TCAIM: variants seen among roughly 807,000 people sequenced by gnomAD.
The protein encoded by TCAIM is T cell activation inhibitor, mitochondrial, also known as T-cell activation inhibitor, mitochondrial.
TCAIM carries 36 observed loss-of-function variants against 58.6 expected under a neutral mutation model. That is an observed-to-expected ratio of 0.61 (90% CI 0.47 to 0.81). The LOEUF (loss-of-function observed/expected upper bound fraction) is 0.81. Among genes scored for constraint, TCAIM ranks in the 30% least tolerant of loss-of-function variants. The probability of loss-of-function intolerance (pLI) is 0.00; values close to 1 mark genes in which losing one functional copy is unlikely to be tolerated. For synonymous variants in TCAIM, 172 were observed against 193.6 expected (o/e 0.89, Z 0.93); for missense variants, 466 against 579.6 (o/e 0.80, Z 2.01).
chr3:44,372,447 A>T (rs1442672616), intron 5 of TCAIM, among the ~76,000 whole-genome samples: 18 of 152,180 alleles, frequency 1.2e-4, no homozygotes, highest in Admixed American at 1.2e-3. Context: ...TCTTCATTAC[A>T]TGTATAGATT....
chr3:44,352,102 T>TA (rs1701104615), intron 1 of TCAIM, among the ~76,000 whole-genome samples: 1 of 148,676 alleles, frequency 6.7e-6, no homozygotes, highest in African/African-American at 2.5e-5. Context: ...TATATATATA[T>TA]TATATATATA....
chr3:44,372,189 G>A (rs1031718514), intron 5 of TCAIM, among the ~76,000 whole-genome samples: 9 of 152,180 alleles, frequency 5.9e-5, no homozygotes, highest in African/African-American at 2.2e-4. Context: ...TTTGGTACCC[G>A]TGGGTGGGCT....
rs560545163 is a variant in TCAIM, at chr3:44,392,763, T to C, written c.573-92T>C. Reference sequence around the variant, plus strand: ...TAGGTTGATTCCAAGTCTTTGCTATTGTGAATATGCAAGTGCATGCATGTG... The same window carrying C: ...TAGGTTGATTCCAAGTCTTTGCTATCGTGAATATGCAAGTGCATGCATGTG... On this transcript the variant is annotated intron_variant, in intron 5 of 10. Transcript: ENST00000342649. 1.7e-5 allele frequency: 21 copies of C among 1,236,820 alleles called. No homozygotes were observed. The East Asian group carries it at 5.4e-4, about 32-fold the overall frequency. 76.6% of individuals were successfully genotyped at this position (1,236,820 alleles called of 1,614,324 possible). A position where few individuals can be genotyped will look rare whatever the true frequency, so the allele number is the denominator to read the frequency against.
chr3:44,386,786 G>T (rs891917993), intron 5 of TCAIM, among the ~76,000 whole-genome samples: 1 of 152,226 alleles, frequency 6.6e-6, no homozygotes, highest in Admixed American at 6.5e-5. Flanking sequence ...GGGCAGCTTG[G>T]CCCAGGCCTG....
intron 5 of TCAIM, among the ~76,000 whole-genome samples, chr3:44,383,647 A>T (rs1701688284): frequency 6.6e-6 from 1 of 151,970 alleles, no homozygotes; most frequent in African/African-American, 2.4e-5. Context: ...AACAATGTTA[A>T]TGTACTTAAT....
chr3:44,360,680 A>G (rs993121134), intron 3 of TCAIM, among the ~76,000 whole-genome samples: 1 of 151,208 alleles, frequency 6.6e-6, no homozygotes, highest in African/African-American at 2.4e-5. Flanking sequence ...CAAGGGGCTC[A>G]CTGCAGCCTC....
chr3:44,372,730 A>G (rs1701499387), intron 5 of TCAIM, among the ~76,000 whole-genome samples: 1 of 151,906 alleles, frequency 6.6e-6, no homozygotes, highest in East Asian at 1.9e-4. Context: ...AGTAGCTGGG[A>G]CTACAGGCGC....
intron 4 of TCAIM, 113 bp from the exon 5 acceptor site, chr3:44,367,343 A>C: frequency 7.9e-7 from 1 of 1,272,660 alleles, no homozygotes; most frequent in Non-Finnish European, 1.0e-6. Flanking sequence ...TGATTTGCTA[A>C]TAGGACGAAT....
At chr3:44,392,778 G>T in intron 5 of TCAIM, 77 bp from the exon 6 acceptor site, 3 of 1,348,444 alleles carry the variant, frequency 2.2e-6, no homozygotes, top group Non-Finnish European at 3.0e-6. Flanking sequence ...ATATGCAAGT[G>T]CATGCATGTG....
chr3:44,401,373 G>A, intron 10 of TCAIM, 39 bp downstream of exon 10: 1 of 1,609,558 alleles, frequency 6.2e-7, no homozygotes, highest in Non-Finnish European at 8.5e-7. Context: ...AGATCATTCA[G>A]TCTAACTGAA....
At chr3:44,401,100 T>G (rs1279324410) in intron 9 of TCAIM, 103 bp from the exon 10 acceptor site, 28 of 1,499,526 alleles carry the variant, frequency 1.9e-5, no homozygotes, top group Admixed American at 2.2e-5. Context: ...GTGGCTTTTC[T>G]TGATGATTTT....
chr3:44,361,786 A>G (rs959460414), intron 4 of TCAIM, among the ~76,000 whole-genome samples: 1 of 152,200 alleles, frequency 6.6e-6, no homozygotes, highest in East Asian at 1.9e-4. Context: ...AGTGTTAAAC[A>G]TGTCCAAACA....
intron 5 of TCAIM, among the ~76,000 whole-genome samples, chr3:44,378,414 C>G (rs554938237): frequency 5.9e-4 from 90 of 151,822 alleles, no homozygotes; most frequent in African/African-American, 2.1e-3. Flanking sequence ...ATTTTACAAG[C>G]AAAAAACAGC....
intron 6 of TCAIM, 22 bp from the exon 7 acceptor site, chr3:44,396,378 A>C (rs6441838): frequency 0.99 from 1,593,343 of 1,602,152 alleles, 792,672 homozygotes; most frequent in South Asian, 1. Flanking sequence ...TGTTAACATG[A>C]GTGTGTGCTC....
At chr3:44,382,887 C>T (rs904085881) in intron 5 of TCAIM, among the ~76,000 whole-genome samples, 2 of 152,100 alleles carry the variant, frequency 1.3e-5, no homozygotes, top group African/African-American at 2.4e-5. Flanking sequence ...ACTCCTAAAA[C>T]TCAACCAGCA....
chr3:44,365,334 C>G (rs1701356837), intron 4 of TCAIM, among the ~76,000 whole-genome samples: 1 of 146,256 alleles, frequency 6.8e-6, no homozygotes, highest in Admixed American at 6.8e-5. Flanking sequence ...GTTGCAAATA[C>G]TTTTTTTTTT....
Position 44,367,551 on chromosome 3 carries a change from C to G in TCAIM, c.415C>G (p.Gln139Glu), listed in dbSNP as rs1475491434. Residue 139 changes from glutamine (Q) to glutamate (E), a missense_variant, in exon 5 of 11, where the codon CAA becomes GAA. By Grantham distance (29) the Gln-to-Glu change is conservative (BLOSUM62 2). Coordinates refer to ENST00000342649, the MANE Select transcript of TCAIM (RefSeq NM_173826.4). ...CTGCAGTTTATCTGTTGAACATATC[C>G]AAAGCTTGAATACTAATATGCATAC... ...NSCSLSVEHI[Q>E]SLNTNMHTQP... The G allele has an allele frequency of 1.2e-6, 2 of 1,614,060 alleles. No homozygotes were observed. Among genetic ancestry groups the G allele is most frequent in the Non-Finnish European group, 1.7e-6 (2 of 1,180,006 alleles).
intron 1 of TCAIM, among the ~76,000 whole-genome samples, chr3:44,352,526 G>C (rs1371839848): frequency 6.6e-6 from 1 of 152,122 alleles, no homozygotes; most frequent in African/African-American, 2.4e-5. Flanking sequence ...AGAAAGTAAA[G>C]AGAGTTTCAT....
intron 5 of TCAIM, among the ~76,000 whole-genome samples, chr3:44,375,210 CT>C (rs1436293895): frequency 6.6e-6 from 1 of 151,932 alleles, no homozygotes; most frequent in African/African-American, 2.4e-5. Flanking sequence ...ATCAAGCTGT[CT>C]TAGTCCATTT....
Sources: allele counts gnomAD v4.1 joint callset (sites outside exome capture counted in the v4.1 genomes callset), GRCh38; gene constraint gnomAD v4.1.1; transcripts MANE v1.5; gene names NCBI Gene and HGNC (gene_info 2026-07-23, HGNC 2026-07-21).